NTM: variants seen among roughly 807,000 people sequenced by gnomAD.
The protein encoded by NTM is IgLON family member 2.
A neutral mutation model predicts 42.1 loss-of-function variants in NTM; 13 were observed. That is an observed-to-expected ratio of 0.31 (90% CI 0.20 to 0.49). The LOEUF (loss-of-function observed/expected upper bound fraction) is 0.49, where lower values mean the gene tolerates loss of function less well. Among genes scored for constraint, NTM ranks in the 20% least tolerant of loss-of-function variants. NTM has a pLI of 0.99. For synonymous variants in NTM, 187 were observed against 179.2 expected (o/e 1.04, Z -0.35); for missense variants, 373 against 452.8 (o/e 0.82, Z 1.60).
chr11:131,583,056 G>A (rs964212982), intron 1 of NTM, among the ~76,000 whole-genome samples: 3 of 152,182 alleles, frequency 2.0e-5, no homozygotes, highest in East Asian at 1.9e-4. Context: ...GCGTCTCCCT[G>A]GCTCTCTTTG....
intron 1 of NTM, among the ~76,000 whole-genome samples, chr11:131,460,251 G>C (rs1288132461): frequency 2.0e-5 from 3 of 152,174 alleles, no homozygotes; most frequent in Non-Finnish European, 4.4e-5. Context: ...CTAGCCTTCA[G>C]TCTGGAGAGA....
intron 1 of NTM, among the ~76,000 whole-genome samples, chr11:131,674,841 A>G (rs1241954797): frequency 1.3e-5 from 2 of 152,224 alleles, no homozygotes; most frequent in Non-Finnish European, 2.9e-5. Context: ...CAAGACATGC[A>G]TGGATTAGGG....
intron 1 of NTM, chr11:131,582,313 G>A (rs548380304): frequency 1.3e-5 from 2 of 152,184 alleles, no homozygotes; most frequent in South Asian, 2.1e-4. Context: ...TGTGAGAAAC[G>A]TGAGGAAAAA....
At chr11:132,273,606 A>G (rs1237533326) in intron 4 of NTM, among the ~76,000 whole-genome samples, 2 of 152,034 alleles carry the variant, frequency 1.3e-5, no homozygotes, top group Admixed American at 1.3e-4. Flanking sequence ...TCCTATTTTG[A>G]TTTTTAAAAT....
intron 1 of NTM, among the ~76,000 whole-genome samples, chr11:131,653,084 G>T (rs1344927832): frequency 2.1e-4 from 32 of 152,330 alleles, no homozygotes; most frequent in Admixed American, 2.1e-3. Flanking sequence ...ACTGGATGAT[G>T]CAGGCTTCCT....
rs376163133 is a variant in NTM at position 132,167,517 on chromosome 11, A to G, written c.400+21003A>G. 4.3e-4 allele frequency among the ~76,000 whole-genome samples: 66 copies of G among 152,344 alleles called. 3 individuals carry two copies. In the East Asian group the frequency reaches 5.4e-3, roughly 12 times the overall value. ...TTGTGTTTTTTAGCAAACAAATGGG[A>G]GTAGCCAATCTGTCCATTATAAATG... On this transcript the variant is annotated intron_variant, in intron 3 of 8. Coordinates refer to ENST00000683400, the MANE Select transcript of NTM (RefSeq NM_001352005.2).
At chr11:132,274,317 G>T (rs2093624522) in intron 4 of NTM, among the ~76,000 whole-genome samples, 2 of 151,744 alleles carry the variant, frequency 1.3e-5, no homozygotes, top group South Asian at 4.2e-4. Context: ...TTGATTTAAG[G>T]TCACTCTCTT....
At chr11:132,063,604 G>A (rs777216323) in intron 2 of NTM, among the ~76,000 whole-genome samples, 1 of 152,180 alleles carries the variant, frequency 6.6e-6, no homozygotes, top group Non-Finnish European at 1.5e-5. Context: ...ACCCTCCGGT[G>A]CCCTAATTGT....
At chr11:131,573,455 G>C (rs1338157832) in intron 1 of NTM, 1 of 152,192 alleles carries the variant, frequency 6.6e-6, no homozygotes, top group Admixed American at 6.5e-5. Flanking sequence ...CTCCCAACCA[G>C]CAGGGGACAA....
At chr11:131,960,921 A>G (rs1037542840) in intron 2 of NTM, among the ~76,000 whole-genome samples, 2 of 152,188 alleles carry the variant, frequency 1.3e-5, no homozygotes, top group Admixed American at 6.5e-5. Flanking sequence ...ATTCACAGAG[A>G]TGCGTCATGC....
At chr11:132,092,184 A>G (rs986829168) in intron 2 of NTM, among the ~76,000 whole-genome samples, 1 of 152,216 alleles carries the variant, frequency 6.6e-6, no homozygotes, top group Admixed American at 6.5e-5. Context: ...AACGTGATCA[A>G]ATCTATTTCA....
intron 3 of NTM, among the ~76,000 whole-genome samples, chr11:132,178,068 T>C (rs572502318): frequency 6.6e-6 from 1 of 152,326 alleles, no homozygotes; most frequent in South Asian, 2.1e-4. Flanking sequence ...ATAAAATATA[T>C]AGCCACATTG....
At chr11:132,093,438 T>A (rs564852333) in intron 2 of NTM, among the ~76,000 whole-genome samples, 2 of 152,330 alleles carry the variant, frequency 1.3e-5, no homozygotes, top group East Asian at 3.9e-4. Context: ...CATTGTTCCA[T>A]CCAACAGATA....
intron 1 of NTM, among the ~76,000 whole-genome samples, chr11:131,757,851 A>T (rs940190994): frequency 6.6e-6 from 1 of 152,188 alleles, no homozygotes; most frequent in Admixed American, 6.5e-5. Flanking sequence ...GAGGAAAGAA[A>T]CCCACCCCAA....
At chr11:131,446,321 T>C (rs1434133460) in intron 1 of NTM, among the ~76,000 whole-genome samples, 1 of 152,176 alleles carries the variant, frequency 6.6e-6, no homozygotes, top group Admixed American at 6.5e-5. Flanking sequence ...TTTTCCCAAA[T>C]TCACCAGCCT....
At chr11:131,390,587 G>A (rs566954095) in intron 1 of NTM, among the ~76,000 whole-genome samples, 13 of 152,226 alleles carry the variant, frequency 8.5e-5, no homozygotes, top group East Asian at 1.9e-4. Context: ...GATTGAGGTC[G>A]GGGTGGAGAA....
intron 1 of NTM, among the ~76,000 whole-genome samples, chr11:131,463,780 G>A (rs921085330): frequency 1.3e-5 from 2 of 152,188 alleles, no homozygotes; most frequent in Non-Finnish European, 2.9e-5. Flanking sequence ...GCGCCTCTCA[G>A]ACTCAGCCCG....
At chr11:132,069,420 C>T (rs1291890902) in intron 2 of NTM, among the ~76,000 whole-genome samples, 1 of 121,408 alleles carries the variant, frequency 8.2e-6, no homozygotes, top group African/African-American at 3.5e-5. Flanking sequence ...CTGACTGTCA[C>T]CGGTTAGTTA....
intron 1 of NTM, among the ~76,000 whole-genome samples, chr11:131,422,762 C>T (rs1021634776): frequency 1.1e-4 from 17 of 152,174 alleles, no homozygotes; most frequent in African/African-American, 3.6e-4. Context: ...AATTTTACTC[C>T]TTCCTCCTAC....
Sources: gnomAD v4.1 joint callset for allele counts (sites outside exome capture counted in the v4.1 genomes callset) on GRCh38, gnomAD v4.1.1 for gene constraint, MANE v1.5 for transcripts, NCBI Gene and HGNC (gene_info 2026-07-23, HGNC 2026-07-21) for gene names.